Variants in FAM185A observed in about 807,000 individuals in gnomAD.
FAM185A encodes the protein protein FAM185A.
FAM185A carries 21 observed loss-of-function variants against 45.7 expected under a neutral mutation model. The ratio of observed to expected loss-of-function variants is 0.46; its 90% CI spans 0.33 to 0.66. FAM185A has a LOEUF of 0.66. Among genes scored for constraint, FAM185A ranks in the 30% least tolerant of loss-of-function variants. FAM185A has a pLI of 0.03. For synonymous variants in FAM185A, 117 were observed against 194.0 expected (o/e 0.60, Z 3.30); for missense variants, 305 against 485.4 (o/e 0.63, Z 3.49).
intron 7 of FAM185A, among the ~76,000 whole-genome samples, chr7:102,798,154 A>G (rs1375387112): frequency 6.6e-6 from 1 of 152,230 alleles, no homozygotes; most frequent in Non-Finnish European, 1.5e-5. Context: ...ATAGGGATAG[A>G]GTAGTCATTT....
intron 2 of FAM185A, among the ~76,000 whole-genome samples, chr7:102,752,641 G>C (rs1477932710): frequency 6.6e-6 from 1 of 150,992 alleles, no homozygotes; most frequent in Non-Finnish European, 1.5e-5. Flanking sequence ...GCCCAGGCTG[G>C]TCTTGCACTC....
At chr7:102,800,927 T>C (rs112048574) in intron 7 of FAM185A, among the ~76,000 whole-genome samples, 9 of 152,282 alleles carry the variant, frequency 5.9e-5, no homozygotes, top group East Asian at 1.9e-4. Context: ...CGTAGGCACA[T>C]TGACATCAGG....
At chr7:102,846,194 A>G in the FAM185A span, among the ~76,000 whole-genome samples, 4 of 152,242 alleles carry the variant, frequency 2.6e-5, no homozygotes, top group African/African-American at 7.2e-5. Context: ...TAGCCTCATC[A>G]TTTAAAAAAA....
At chr7:102,803,841 A>G (rs986269113) in intron 7 of FAM185A, among the ~76,000 whole-genome samples, 2 of 152,238 alleles carry the variant, frequency 1.3e-5, no homozygotes, top group East Asian at 3.8e-4. Flanking sequence ...AAGTTTCCAG[A>G]TACAAAATTA....
intron 7 of FAM185A, among the ~76,000 whole-genome samples, chr7:102,789,546 C>A (rs1395276902): frequency 6.6e-6 from 1 of 152,140 alleles, no homozygotes; most frequent in African/African-American, 2.4e-5. Context: ...CCCATTTCTA[C>A]TAAAATACAA....
the FAM185A span, among the ~76,000 whole-genome samples, chr7:102,831,431 A>ACACACCCCCC: frequency 1.1e-4 from 16 of 147,236 alleles, no homozygotes; most frequent in African/African-American, 3.7e-4. Context: ...ACACACACAC[A>ACACACCCCCC]CCCCACTACA....
chr7:102,786,653 G>A (rs1795816056), intron 6 of FAM185A, among the ~76,000 whole-genome samples: 1 of 152,150 alleles, frequency 6.6e-6, no homozygotes, highest in South Asian at 2.1e-4. Context: ...ACAGGAAGGG[G>A]AACATCACAC....
chr7:102,813,366 G>GT (rs1562888276), downstream of FAM185A: 1 of 1,613,688 alleles, frequency 6.2e-7, no homozygotes, highest in East Asian at 2.2e-5. Context: ...CTTCACTGCT[G>GT]TATGTTGACT....
chr7:102,784,701 C>T (rs977335382), intron 6 of FAM185A, among the ~76,000 whole-genome samples: 1 of 152,084 alleles, frequency 6.6e-6, no homozygotes, highest in African/African-American at 2.4e-5. Context: ...TAAGAGCTAT[C>T]TATGACAAAC....
the FAM185A span, among the ~76,000 whole-genome samples, chr7:102,849,752 A>T: frequency 6.6e-6 from 1 of 152,174 alleles, no homozygotes; most frequent in Non-Finnish European, 1.5e-5. Context: ...AAGGGGAAAG[A>T]TTACCACATG....
the FAM185A span, among the ~76,000 whole-genome samples, chr7:102,839,799 G>A: frequency 6.6e-6 from 1 of 151,928 alleles, no homozygotes; most frequent in African/African-American, 2.4e-5. Flanking sequence ...AATGTACTTT[G>A]TAAATTATAT....
rs572632960 is a variant in FAM185A at position 102,773,860 on chromosome 7, G to A, written c.835+1410G>A. 1.5e-3 allele frequency among the ~76,000 whole-genome samples: 223 copies of A among 152,134 alleles called. 2 individuals are homozygous for A. The highest frequency in any genetic ancestry group is 2.5e-3 in the South Asian group (12 of 4,822). Reference sequence around the variant, plus strand: ...TCTGATCTCTTGTTCCTAATTCATTGATTTATTTGGTGAGCCTTATGCCGG... The same window carrying A: ...TCTGATCTCTTGTTCCTAATTCATTAATTTATTTGGTGAGCCTTATGCCGG... On this transcript the variant is annotated intron_variant, in intron 5 of 7. Transcript: ENST00000413034.
At chr7:102,833,394 C>G in the FAM185A span, among the ~76,000 whole-genome samples, 3 of 151,116 alleles carry the variant, frequency 2.0e-5, no homozygotes, top group African/African-American at 4.9e-5. Context: ...CATTTATTAC[C>G]TCTTAAATCT....
rs1280055526 is a variant in FAM185A, at chr7:102,808,449, C to G, written c.*47C>G. On this transcript the variant is annotated 3_prime_UTR_variant, in exon 8 of 8. Coordinates refer to ENST00000413034, the MANE Select transcript of FAM185A (RefSeq NM_001145268.2). Reference sequence around the variant, plus strand: ...TGATTTTTAACAATGATTCGCAGATCTGTGACTACAAAAATGTAAATCCCA... The same window carrying G: ...TGATTTTTAACAATGATTCGCAGATGTGTGACTACAAAAATGTAAATCCCA... 13 of 1,120,254 alleles carry G rather than the reference C, an allele frequency of 1.2e-5. No homozygotes were observed. The highest frequency in any genetic ancestry group is 1.7e-5 in the Non-Finnish European group (13 of 756,582). 69.4% of individuals were successfully genotyped at this position (1,120,254 alleles called of 1,614,324 possible).
intron 6 of FAM185A, among the ~76,000 whole-genome samples, chr7:102,786,803 A>C (rs1795829071): frequency 6.7e-6 from 1 of 149,696 alleles, no homozygotes. Flanking sequence ...CGTTGTGCAC[A>C]TGTACCCTAA....
At chr7:102,779,517 T>C (rs906552967) in intron 6 of FAM185A, among the ~76,000 whole-genome samples, 1 of 152,204 alleles carries the variant, frequency 6.6e-6, no homozygotes, top group African/African-American at 2.4e-5. Flanking sequence ...TACAAAAAAG[T>C]TTTTAAATCC....
At chr7:102,764,821 A>G in intron 4 of FAM185A, among the ~76,000 whole-genome samples, 1 of 151,474 alleles carries the variant, frequency 6.6e-6, no homozygotes, top group Non-Finnish European at 1.5e-5. Context: ...TTTTCCAGAG[A>G]GAGCAGAAAA....
chr7:102,792,022 T>C (rs1401556948), intron 7 of FAM185A, among the ~76,000 whole-genome samples: 3 of 149,162 alleles, frequency 2.0e-5, no homozygotes, highest in Non-Finnish European at 4.4e-5. Flanking sequence ...GCCTTCCTCA[T>C]AGAGCCCATG....
chr7:102,766,644 AG>A (rs1385582815), intron 4 of FAM185A, among the ~76,000 whole-genome samples: 4 of 152,058 alleles, frequency 2.6e-5, no homozygotes, highest in African/African-American at 9.7e-5. Context: ...TGGATTAAAT[AG>A]ATCTTTTCAT....
Sources: gnomAD v4.1 joint callset for allele counts (sites outside exome capture counted in the v4.1 genomes callset) on GRCh38, gnomAD v4.1.1 for gene constraint, MANE v1.5 for transcripts, NCBI Gene and HGNC (gene_info 2026-07-23, HGNC 2026-07-21) for gene names.